The following PTPRD variants were observed in gnomAD, a reference collection of about 807,000 sequenced individuals.
PTPRD encodes protein tyrosine phosphatase receptor type D.
A neutral mutation model predicts 214.5 loss-of-function variants in PTPRD; 34 were observed. The observed-to-expected ratio is 0.16, with a 90% CI of 0.12 to 0.21. The LOEUF is 0.21. PTPRD is among the 10% of genes least tolerant of loss of function. The pLI, the probability that PTPRD is intolerant of heterozygous loss-of-function variation, is 1.00. For synonymous variants in PTPRD, 1,128 were observed against 845.7 expected (o/e 1.33, Z -5.79); for missense variants, 2,545 against 2,398.7 (o/e 1.06, Z -1.27).
At chr9:8,576,704 C>T (rs2092415592) in intron 14 of PTPRD, among the ~76,000 whole-genome samples, 1 of 150,930 alleles carries the variant, frequency 6.6e-6, no homozygotes, top group East Asian at 2.0e-4. Flanking sequence ...TGCATGTTTC[C>T]TGAAAAGAGC....
At chr9:10,410,276 C>G (rs1002044372) in intron 2 of PTPRD, among the ~76,000 whole-genome samples, 8 of 84,720 alleles carry the variant, frequency 9.4e-5, no homozygotes, top group African/African-American at 2.8e-4. Flanking sequence ...TATATACACA[C>G]ACACACACAA....
chr9:9,697,050 A>G (rs940262329), intron 7 of PTPRD, among the ~76,000 whole-genome samples: 2 of 152,130 alleles, frequency 1.3e-5, no homozygotes, highest in Non-Finnish European at 2.9e-5. Flanking sequence ...AATTAGAAAC[A>G]AAGGAATAGT....
intron 3 of PTPRD, among the ~76,000 whole-genome samples, chr9:10,074,758 A>G (rs1250041396): frequency 6.6e-6 from 1 of 152,074 alleles, no homozygotes; most frequent in African/African-American, 2.4e-5. Flanking sequence ...TCCAAACCAG[A>G]GTAGTGGGAA....
intron 4 of PTPRD, among the ~76,000 whole-genome samples, chr9:10,016,402 T>TAGAC (rs1383490865): frequency 6.8e-6 from 1 of 146,226 alleles, no homozygotes; most frequent in African/African-American, 2.6e-5. Context: ...GATAGACAGA[T>TAGAC]AGATAGGGAA....
intron 2 of PTPRD, among the ~76,000 whole-genome samples, chr9:10,534,501 T>C (rs1284787993): frequency 6.6e-6 from 1 of 152,126 alleles, no homozygotes; most frequent in Non-Finnish European, 1.5e-5. Flanking sequence ...GGTTTTGATA[T>C]GAGCTTCCTA....
chr9:9,937,065 G>C (rs1380000866), intron 5 of PTPRD, among the ~76,000 whole-genome samples: 1 of 151,984 alleles, frequency 6.6e-6, no homozygotes, highest in African/African-American at 2.4e-5. Flanking sequence ...TCACACTCTG[G>C]GGACTGTTGT....
At chr9:10,434,311 A>C (rs906298867) in intron 2 of PTPRD, among the ~76,000 whole-genome samples, 1 of 151,906 alleles carries the variant, frequency 6.6e-6, no homozygotes, top group African/African-American at 2.4e-5. Context: ...TTAAACTAGA[A>C]AGCATGATGC....
At chr9:8,798,519 C>T (rs2096495680) in intron 11 of PTPRD, among the ~76,000 whole-genome samples, 1 of 152,154 alleles carries the variant, frequency 6.6e-6, no homozygotes, top group African/African-American at 2.4e-5. Context: ...TTTAAATCTA[C>T]CCAAATCATT....
At position 8,766,518 on chromosome 9, in the gene PTPRD, A is replaced by C. The variant is rs569966936; in HGVS notation, c.-103-32572T>G. Among the ~76,000 whole-genome samples the C allele has an allele frequency of 2.0e-5, 3 of 152,312 alleles. No homozygotes were observed. In the East Asian group the frequency reaches 5.8e-4, roughly 29 times the overall value. On this transcript the variant is annotated intron_variant, in intron 11 of 45. Transcript: ENST00000381196. Reference sequence around the variant, plus strand: ...AATGAATGATTAAAAATTACTATCAAATAGAAAATTAATAATTTATCTATA... The same window carrying C: ...AATGAATGATTAAAAATTACTATCACATAGAAAATTAATAATTTATCTATA...
chr9:9,718,426 C>G (rs1348199661), intron 7 of PTPRD, among the ~76,000 whole-genome samples: 2 of 152,132 alleles, frequency 1.3e-5, no homozygotes, highest in African/African-American at 2.4e-5. Flanking sequence ...CTCCATGGAA[C>G]TGATGGGGGA....
At chr9:8,437,546 A>C (rs2095403488) in intron 34 of PTPRD, among the ~76,000 whole-genome samples, 1 of 152,168 alleles carries the variant, frequency 6.6e-6, no homozygotes, top group African/African-American at 2.4e-5. Context: ...AAATGTTTCC[A>C]CTAGTAGCAG....
chr9:10,036,329 T>A (rs1777516020), intron 3 of PTPRD, among the ~76,000 whole-genome samples: 1 of 152,050 alleles, frequency 6.6e-6, no homozygotes, highest in South Asian at 2.1e-4. Flanking sequence ...GCATGCTTAA[T>A]TCCCTGATGT....
chr9:9,691,825 G>T (rs912141201), intron 7 of PTPRD, among the ~76,000 whole-genome samples: 1 of 151,916 alleles, frequency 6.6e-6, no homozygotes, highest in East Asian at 1.9e-4. Flanking sequence ...TTTTAGCTGA[G>T]GTGAATGGAT....
At chr9:9,061,407 G>A (rs747777871) in intron 10 of PTPRD, among the ~76,000 whole-genome samples, 2 of 152,128 alleles carry the variant, frequency 1.3e-5, no homozygotes, top group Non-Finnish European at 2.9e-5. Flanking sequence ...TAAAACTAAT[G>A]ACAACAAACA....
At chr9:9,528,746 G>A (rs1364135583) in intron 8 of PTPRD, among the ~76,000 whole-genome samples, 2 of 151,326 alleles carry the variant, frequency 1.3e-5, no homozygotes, top group African/African-American at 4.9e-5. Context: ...CAGATAAAAA[G>A]AAAGAAAGGA....
chr9:8,924,801 A>G (rs2098857531), intron 11 of PTPRD, among the ~76,000 whole-genome samples: 1 of 152,144 alleles, frequency 6.6e-6, no homozygotes, highest in Non-Finnish European at 1.5e-5. Flanking sequence ...ACTAGGCTAG[A>G]ACATATATTT....
intron 22 of PTPRD, among the ~76,000 whole-genome samples, chr9:8,507,067 A>G (rs1472328478): frequency 1.3e-5 from 2 of 150,908 alleles, no homozygotes; most frequent in African/African-American, 4.9e-5. Context: ...AACAAGAGTT[A>G]TTTTGTTTTG....
chr9:8,951,695 T>G (rs1281235865), intron 11 of PTPRD, among the ~76,000 whole-genome samples: 2 of 152,054 alleles, frequency 1.3e-5, no homozygotes, highest in East Asian at 3.8e-4. Context: ...GGGAATCTTG[T>G]CTGATTTACT....
intron 14 of PTPRD, among the ~76,000 whole-genome samples, chr9:8,539,861 A>T (rs992824329): frequency 1.3e-5 from 2 of 152,134 alleles, no homozygotes; most frequent in Admixed American, 1.3e-4. Context: ...AAAATTATAA[A>T]AACTTGAATG....
Sources: gnomAD v4.1 joint callset for allele counts (sites outside exome capture counted in the v4.1 genomes callset) on GRCh38, gnomAD v4.1.1 for gene constraint, MANE v1.5 for transcripts, NCBI Gene and HGNC (gene_info 2026-07-23, HGNC 2026-07-21) for gene names.